KCNIP4: variants seen among roughly 807,000 people sequenced by gnomAD.
KCNIP4 encodes the protein potassium voltage-gated channel interacting protein 4.
In KCNIP4, 12 loss-of-function variants were observed where a neutral mutation model predicts 34.0. The observed-to-expected ratio is 0.35, with a 90% confidence interval of 0.23 to 0.57. KCNIP4 has a LOEUF of 0.57. Ranked by LOEUF, KCNIP4 falls within the 20% of genes least tolerant of loss-of-function variation. The pLI, the probability that KCNIP4 is intolerant of heterozygous loss-of-function variation, is 0.83. For missense variants in KCNIP4, 238 were observed against 311.7 expected (o/e 0.76, Z 1.78); for synonymous variants, 124 against 102.2 (o/e 1.21, Z -1.29).
At chr4:21,607,593 C>T (rs1417348873) in intron 1 of KCNIP4, among the ~76,000 whole-genome samples, 1 of 151,790 alleles carries the variant, frequency 6.6e-6, no homozygotes, top group Non-Finnish European at 1.5e-5. Flanking sequence ...TCTCCCCAGC[C>T]ATTCATTCAC....
At chr4:20,775,728 AATG>A (rs1174986537) in intron 3 of KCNIP4, among the ~76,000 whole-genome samples, 1 of 152,040 alleles carries the variant, frequency 6.6e-6, no homozygotes, top group African/African-American at 2.4e-5. Flanking sequence ...TAAAAAGAAT[AATG>A]ATGATTGTTT....
intron 1 of KCNIP4, among the ~76,000 whole-genome samples, chr4:21,647,333 G>A (rs1175324911): frequency 2.0e-5 from 3 of 151,908 alleles, no homozygotes; most frequent in Non-Finnish European, 2.9e-5. Context: ...TCCTAATAGC[G>A]AACTTGTCAT....
At chr4:20,945,584 C>T (rs373761650) in intron 1 of KCNIP4, among the ~76,000 whole-genome samples, 3 of 151,976 alleles carry the variant, frequency 2.0e-5, no homozygotes, top group African/African-American at 4.8e-5. Context: ...AAGATGTGTA[C>T]GTGTGTGAGT....
chr4:20,863,275 G>T (rs542072634), intron 2 of KCNIP4, among the ~76,000 whole-genome samples: 17 of 152,136 alleles, frequency 1.1e-4, no homozygotes, highest in African/African-American at 4.1e-4. Flanking sequence ...AACCATAGGG[G>T]GCTCATAGTG....
chr4:21,332,053 TAATC>T (rs1039703955), intron 1 of KCNIP4, among the ~76,000 whole-genome samples: 7 of 152,048 alleles, frequency 4.6e-5, no homozygotes, highest in African/African-American at 1.7e-4. Flanking sequence ...GCATTATTCA[TAATC>T]AATCCCAAAA....
At chr4:21,201,039 G>A (rs1037353681) in intron 1 of KCNIP4, among the ~76,000 whole-genome samples, 9 of 152,036 alleles carry the variant, frequency 5.9e-5, no homozygotes, top group African/African-American at 2.2e-4. Flanking sequence ...GATTCAATAG[G>A]CCAGACCTAT....
In KCNIP4 at chr4:21,489,613, G is replaced by C. The variant is rs1270319504; in HGVS notation, c.61+458958C>G. ...TTATATCATTATGCATTTGTGTTGT[G>C]TTCTAATTTCTGCCTGATGCATCAA... On this transcript the variant is annotated intron_variant, in intron 1 of 8. Coordinates refer to ENST00000382152, the MANE Select transcript of KCNIP4 (RefSeq NM_025221.6). Among the ~76,000 whole-genome samples, 4 of 152,062 alleles carry C rather than the reference G, an allele frequency of 2.6e-5. No individual in the cohort carries two copies. The East Asian group carries it at 7.7e-4, about 29-fold the overall frequency.
chr4:20,976,025 C>T (rs971472), intron 1 of KCNIP4, among the ~76,000 whole-genome samples: 39,967 of 151,992 alleles, frequency 0.26, 7,906 homozygotes, highest in African/African-American at 0.56. Flanking sequence ...CCACAAAACC[C>T]AAAATGTTTA....
intron 3 of KCNIP4, among the ~76,000 whole-genome samples, chr4:20,821,599 G>A (rs1717109996): frequency 1.3e-5 from 2 of 152,042 alleles, no homozygotes; most frequent in African/African-American, 4.8e-5. Context: ...AGTGTACACT[G>A]TACTCAATAT....
intron 1 of KCNIP4, among the ~76,000 whole-genome samples, chr4:21,323,854 C>T (rs574491988): frequency 3.3e-5 from 5 of 152,136 alleles, no homozygotes; most frequent in East Asian, 1.9e-4. Context: ...TACTAATTTA[C>T]GTTCCTACCA....
At chr4:21,060,978 A>C (rs1743864432) in intron 1 of KCNIP4, among the ~76,000 whole-genome samples, 1 of 152,200 alleles carries the variant, frequency 6.6e-6, no homozygotes, top group African/African-American at 2.4e-5. Flanking sequence ...AATTGGGTCC[A>C]AGATAACGAG....
At chr4:21,108,184 C>A (rs2109091832) in intron 1 of KCNIP4, among the ~76,000 whole-genome samples, 1 of 151,344 alleles carries the variant, frequency 6.6e-6, no homozygotes, top group Middle Eastern at 3.4e-3. Flanking sequence ...TGGATAATAT[C>A]CTGCAGAGTG....
At chr4:20,754,058 T>C (rs1754095732) in intron 4 of KCNIP4, among the ~76,000 whole-genome samples, 1 of 152,160 alleles carries the variant, frequency 6.6e-6, no homozygotes, top group South Asian at 2.1e-4. Flanking sequence ...AACTAAAAGC[T>C]TACACACTAA....
chr4:20,756,040 G>A (rs1032857752), intron 4 of KCNIP4, among the ~76,000 whole-genome samples: 11 of 152,052 alleles, frequency 7.2e-5, no homozygotes, highest in South Asian at 2.1e-4. Context: ...GCATTTTAAC[G>A]GGATCACTCT....
intron 3 of KCNIP4, among the ~76,000 whole-genome samples, chr4:20,805,185 CCTTTTT>C (rs1415584992): frequency 1.0e-4 from 7 of 67,148 alleles, no homozygotes; most frequent in African/African-American, 3.2e-4. Flanking sequence ...ATAGATGCTT[CCTTTTT>C]TTTTTTTTTT....
intron 1 of KCNIP4, among the ~76,000 whole-genome samples, chr4:21,268,285 T>A (rs989928413): frequency 5.3e-5 from 8 of 151,914 alleles, no homozygotes; most frequent in Non-Finnish European, 8.8e-5. Context: ...CATAATAATG[T>A]TTTTATATGA....
chr4:21,065,742 A>ATATT (rs1744309373), intron 1 of KCNIP4, among the ~76,000 whole-genome samples: 1 of 141,940 alleles, frequency 7.0e-6, no homozygotes, highest in Non-Finnish European at 1.5e-5. Flanking sequence ...ATATATATAT[A>ATATT]TATATATATA....
chr4:20,781,714 A>C (rs1372893113), intron 3 of KCNIP4, among the ~76,000 whole-genome samples: 1 of 152,180 alleles, frequency 6.6e-6, no homozygotes, highest in Non-Finnish European at 1.5e-5. Flanking sequence ...AAATTATGGG[A>C]GTATAATTCA....
chr4:21,131,920 G>A (rs1409076930), intron 1 of KCNIP4, among the ~76,000 whole-genome samples: 1 of 152,072 alleles, frequency 6.6e-6, no homozygotes, highest in Non-Finnish European at 1.5e-5. Flanking sequence ...TACCTTCCAG[G>A]TATGGCTTCT....
Sources: gnomAD v4.1 joint callset for allele counts (sites outside exome capture counted in the v4.1 genomes callset) on GRCh38, gnomAD v4.1.1 for gene constraint, MANE v1.5 for transcripts, NCBI Gene and HGNC (gene_info 2026-07-23, HGNC 2026-07-21) for gene names.